The following COL6A5 variants were observed in gnomAD, a reference collection of about 807,000 sequenced individuals.
The protein encoded by COL6A5 is collagen type VI alpha 5 chain, also known as collagen alpha-5(VI) chain.
In COL6A5, 48 loss-of-function variants were observed where a neutral mutation model predicts 65.6. The ratio of observed to expected loss-of-function variants is 0.73; its 90% CI spans 0.58 to 0.93. The LOEUF is 0.93. COL6A5 is among the 40% of genes least tolerant of loss of function. The pLI is 0.00. For missense variants in COL6A5, 914 were observed against 928.3 expected, an observed-to-expected ratio of 0.98 and a Z score of 0.20; for synonymous variants, 291 against 322.8, an observed-to-expected ratio of 0.90 and a Z score of 1.05.
chr3:130,381,739 G>A (rs1177923002), intron 4 of COL6A5, among the ~76,000 whole-genome samples: 2 of 152,040 alleles, frequency 1.3e-5, no homozygotes, highest in African/African-American at 4.8e-5. Flanking sequence ...AACATGGAAA[G>A]GAATTTTAAT....
At chr3:130,448,545 T>C (rs994368515) in intron 4 of COL6A5, among the ~76,000 whole-genome samples, 2 of 152,170 alleles carry the variant, frequency 1.3e-5, no homozygotes, top group African/African-American at 2.4e-5. Flanking sequence ...TCCTAAATAT[T>C]GAACAGGAGT....
exon 3 of COL6A5, chr3:130,440,326 T>G: frequency 6.2e-7 from 1 of 1,613,442 alleles, no homozygotes; most frequent in Non-Finnish European, 8.5e-7. Flanking sequence ...TCAACATTGC[T>G]TCAGACCCTT....
chr3:130,396,655 A>G (rs1347485294), intron 8 of COL6A5, among the ~76,000 whole-genome samples: 2 of 152,312 alleles, frequency 1.3e-5, no homozygotes, highest in Admixed American at 6.5e-5. Context: ...AGATCTGACA[A>G]CACTAGGCCC....
At position 130,376,236 on chromosome 3, in the gene COL6A5, G is replaced by A. The variant is rs142846354; in HGVS notation, c.68-1G>A. ...TTTTGCTTGTTATTTTATTTTGATA[G>A]GGCCAGGCCCTGTGTATGCAGATGT... On this transcript the variant is annotated splice_acceptor_variant and NMD_transcript_variant, in intron 2 of 41. Coordinates refer to the COL6A5 transcript ENST00000312481. The A allele has an allele frequency of 2.0e-4, 305 of 1,559,762 alleles. No individual in the cohort carries two copies. The African/African-American group carries it at 3.4e-3, about 17-fold the overall frequency.
chr3:130,352,466 G>A (rs1934758502), intron 1 of COL6A5, among the ~76,000 whole-genome samples: 1 of 152,092 alleles, frequency 6.6e-6, no homozygotes, highest in Non-Finnish European at 1.5e-5. Flanking sequence ...TGAAATTAGA[G>A]TAATAATGAT....
chr3:130,413,502 A>T (rs1045790596), intron 20 of COL6A5, 43 bp from the exon 21 acceptor site: 21 of 1,532,464 alleles, frequency 1.4e-5, no homozygotes, highest in Non-Finnish European at 1.9e-5. Flanking sequence ...GAACCCCTCC[A>T]TTCAGACATC....
intron 20 of COL6A5, among the ~76,000 whole-genome samples, chr3:130,411,518 G>C (rs1937174202): frequency 6.6e-6 from 1 of 152,160 alleles, no homozygotes; most frequent in Non-Finnish European, 1.5e-5. Context: ...AAGGAAAAGA[G>C]CTGGAGTTGG....
intron 24 of COL6A5, among the ~76,000 whole-genome samples, chr3:130,418,318 C>T (rs1209285872): frequency 6.6e-6 from 1 of 152,044 alleles, no homozygotes; most frequent in African/African-American, 2.4e-5. Context: ...GGATCACTCT[C>T]ACCCCTTTCT....
chr3:130,441,637 A>G (rs1347117218), intron 3 of COL6A5, among the ~76,000 whole-genome samples: 6 of 152,300 alleles, frequency 3.9e-5, no homozygotes, highest in African/African-American at 1.4e-4. Flanking sequence ...TTCTAGAGCA[A>G]TTGTTCTCAA....
At chr3:130,436,199 T>G (rs1339816920) in intron 1 of COL6A5, among the ~76,000 whole-genome samples, 1 of 151,758 alleles carries the variant, frequency 6.6e-6, no homozygotes, top group African/African-American at 2.4e-5. Flanking sequence ...GATAGAGTTA[T>G]TAGTTGCTCA....
chr3:130,415,003 A>C (rs192067864), intron 22 of COL6A5, among the ~76,000 whole-genome samples: 171 of 152,138 alleles, frequency 1.1e-3, no homozygotes, highest in African/African-American at 3.8e-3. Flanking sequence ...AATGACAGTT[A>C]CTTCAGATAC....
chr3:130,447,700 A>G (rs1017045270), intron 4 of COL6A5, among the ~76,000 whole-genome samples: 1 of 152,224 alleles, frequency 6.6e-6, no homozygotes, highest in African/African-American at 2.4e-5. Flanking sequence ...GGCATGTACA[A>G]CATAAGTGGA....
chr3:130,421,921 T>A (rs1455455179), intron 27 of COL6A5, among the ~76,000 whole-genome samples: 1 of 152,034 alleles, frequency 6.6e-6, no homozygotes, highest in East Asian at 1.9e-4. Context: ...ATACCTTTCA[T>A]CTCAACCCAA....
At chr3:130,398,844 G>A (rs528418056) in intron 10 of COL6A5, among the ~76,000 whole-genome samples, 1 of 152,272 alleles carries the variant, frequency 6.6e-6, no homozygotes, top group South Asian at 2.1e-4. Flanking sequence ...AATTTACTGA[G>A]ATGTATCCCT....
chr3:130,416,814 A>G lies in COL6A5; in HGVS notation c.4882A>G (p.Lys1628Glu), dbSNP rs537297806. 9 of 1,493,764 alleles carry G rather than the reference A, an allele frequency of 6.0e-6. No homozygotes were observed. Among genetic ancestry groups the G allele is most frequent in the African/African-American group, 5.6e-5 (4 of 71,274 alleles). 92.5% of individuals were successfully genotyped at this position (1,493,764 alleles called of 1,614,324 possible). The change falls in exon 24 of 42, where the codon AAA becomes GAA. Residue 1628 changes from lysine (K) to glutamate (E), a missense_variant and NMD_transcript_variant. Lys to Glu is a moderately conservative substitution (Grantham distance 56). Coordinates refer to the COL6A5 transcript ENST00000312481. ...CACTGGAAGACCTGGACTTTTGGGGAAAAAAGTAGATATTATTTCTGTTTT... is the reference window on the plus strand; with the variant it reads ...CACTGGAAGACCTGGACTTTTGGGGGAAAAAGTAGATATTATTTCTGTTTT...
At chr3:130,395,190 A>C in exon 8 of COL6A5, 1 of 1,551,726 alleles carries the variant, frequency 6.4e-7, no homozygotes, top group Non-Finnish European at 8.7e-7. Flanking sequence ...TTTAATCTAC[A>C]TGCTGGTGGG....
chr3:130,374,131 C>T (rs185674790), intron 2 of COL6A5, among the ~76,000 whole-genome samples: 1 of 152,288 alleles, frequency 6.6e-6, no homozygotes, highest in Admixed American at 6.5e-5. Flanking sequence ...CAAACACACA[C>T]ACACAGTCAT....
intron 7 of COL6A5, among the ~76,000 whole-genome samples, chr3:130,393,322 T>C (rs1050498954): frequency 7.2e-5 from 11 of 152,084 alleles, no homozygotes; most frequent in African/African-American, 1.4e-4. Flanking sequence ...TTCTGTCAAA[T>C]TTCAGTCTTT....
At chr3:130,348,649 C>A (rs375713177) in intron 1 of COL6A5, among the ~76,000 whole-genome samples, 1 of 152,128 alleles carries the variant, frequency 6.6e-6, no homozygotes, top group Admixed American at 6.6e-5. Context: ...GTAATGAGAT[C>A]GCTGAGTCAA....
Sources: allele counts gnomAD v4.1 joint callset (sites outside exome capture counted in the v4.1 genomes callset), GRCh38; gene constraint gnomAD v4.1.1; transcripts MANE v1.5; gene names NCBI Gene and HGNC (gene_info 2026-07-23, HGNC 2026-07-21).